The following SDK1 variants were observed in gnomAD, a reference collection of about 807,000 sequenced individuals.
SDK1 encodes sidekick cell adhesion molecule 1.
In SDK1, 157 loss-of-function variants were observed where a neutral mutation model predicts 245.5. The ratio of observed to expected loss-of-function variants is 0.64; its 90% CI spans 0.56 to 0.73. The LOEUF (loss-of-function observed/expected upper bound fraction) is 0.73. Ranked by LOEUF, SDK1 falls within the 30% of genes least tolerant of loss-of-function variation. The pLI, the probability that SDK1 is intolerant of heterozygous loss-of-function variation, is 0.00. For missense variants in SDK1, 3,583 were observed against 3,002.3 expected, an observed-to-expected ratio of 1.19 and a Z score of -4.52; for synonymous variants, 1,647 against 1,278.5, an observed-to-expected ratio of 1.29 and a Z score of -6.15.
chr7:4,012,693 C>T (rs959229969), intron 16 of SDK1, among the ~76,000 whole-genome samples: 2 of 150,490 alleles, frequency 1.3e-5, no homozygotes, highest in African/African-American at 4.9e-5. Context: ...CCTGCCTCAG[C>T]CTCCCGAGTA....
intron 1 of SDK1, among the ~76,000 whole-genome samples, chr7:3,434,500 A>G (rs1372334915): frequency 6.6e-6 from 1 of 152,212 alleles, no homozygotes; most frequent in Non-Finnish European, 1.5e-5. Flanking sequence ...GCTAACATTT[A>G]TTAAGGATCT....
At chr7:4,161,200 G>A (rs1584332060) in intron 31 of SDK1, among the ~76,000 whole-genome samples, 1 of 152,228 alleles carries the variant, frequency 6.6e-6, no homozygotes, top group East Asian at 1.9e-4. Context: ...AGAGTGCAGG[G>A]CATGGCCATA....
intron 4 of SDK1, among the ~76,000 whole-genome samples, chr7:3,711,201 A>C (rs928731142): frequency 6.6e-6 from 1 of 152,226 alleles, no homozygotes; most frequent in African/African-American, 2.4e-5. Context: ...AGTATTTCTA[A>C]ATATTTTTGC....
chr7:3,418,563 G>A (rs1425959011), intron 1 of SDK1, among the ~76,000 whole-genome samples: 2 of 152,156 alleles, frequency 1.3e-5, no homozygotes, highest in African/African-American at 4.8e-5. Flanking sequence ...TGCTCTACAG[G>A]ACTTGAAACA....
At chr7:4,141,112 G>A (rs1482408612) in intron 28 of SDK1, among the ~76,000 whole-genome samples, 3 of 152,184 alleles carry the variant, frequency 2.0e-5, no homozygotes, top group Non-Finnish European at 2.9e-5. Flanking sequence ...CCACAAACCC[G>A]AGGCAGTGTA....
At chr7:3,895,619 G>A (rs1209027043) in intron 5 of SDK1, among the ~76,000 whole-genome samples, 5 of 150,164 alleles carry the variant, frequency 3.3e-5, no homozygotes, top group Admixed American at 6.7e-5. Context: ...TTTCCACTCC[G>A]CTGTCCTGAG....
At chr7:3,827,177 A>T (rs61165181) in intron 5 of SDK1, among the ~76,000 whole-genome samples, 25,536 of 152,134 alleles carry the variant, frequency 0.17, 2,397 homozygotes, top group Middle Eastern at 0.31. Flanking sequence ...CATATGGGGG[A>T]AGCTCAATAT....
intron 1 of SDK1, among the ~76,000 whole-genome samples, chr7:3,490,049 C>G (rs1213586251): frequency 1.3e-5 from 2 of 152,138 alleles, no homozygotes; most frequent in Admixed American, 1.3e-4. Flanking sequence ...AAATGATCTA[C>G]TGTCACTTGC....
chr7:3,586,991 T>C (rs1440933453), intron 1 of SDK1, among the ~76,000 whole-genome samples: 1 of 152,040 alleles, frequency 6.6e-6, no homozygotes, highest in Non-Finnish European at 1.5e-5. Context: ...GACAGCATAG[T>C]GCTAACTTGA....
At chr7:4,189,738 C>A (rs985547726) in intron 35 of SDK1, among the ~76,000 whole-genome samples, 9 of 152,084 alleles carry the variant, frequency 5.9e-5, no homozygotes, top group Admixed American at 3.3e-4. Flanking sequence ...TGTAGTGAGC[C>A]GAGATTGTGC....
intron 2 of SDK1, among the ~76,000 whole-genome samples, chr7:3,634,526 C>T (rs1424783856): frequency 1.3e-5 from 2 of 152,058 alleles, no homozygotes; most frequent in African/African-American, 4.8e-5. Flanking sequence ...GCAAACATTC[C>T]CTGCTGTGTT....
At chr7:3,838,560 G>C (rs1198096878) in intron 5 of SDK1, among the ~76,000 whole-genome samples, 1 of 152,202 alleles carries the variant, frequency 6.6e-6, no homozygotes, top group African/African-American at 2.4e-5. Flanking sequence ...TAGAAACAAA[G>C]CCCTGCTTGG....
intron 8 of SDK1, 102 bp downstream of exon 8, chr7:3,959,116 G>T: frequency 1.1e-6 from 1 of 912,760 alleles, no homozygotes; most frequent in Non-Finnish European, 1.8e-6. Context: ...GACATTGAGT[G>T]TGATGGCGAA....
intron 1 of SDK1, among the ~76,000 whole-genome samples, chr7:3,310,120 CTG>C (rs1779516120): frequency 6.6e-6 from 1 of 152,200 alleles, no homozygotes. Flanking sequence ...GCTTCTGTGT[CTG>C]TGCTGGCATC....
rs1407449662 is a variant in SDK1 at position 4,227,570 on chromosome 7, T to C, written c.5828-5685T>C. On this transcript the variant is annotated intron_variant, in intron 40 of 44. Transcript: ENST00000404826. ...AAACAACTGACAGGCTTGCATTTGC[T>C]CTGAGCTGCAGACTGACAGTCAAGC... 9 of 413,792 alleles carry C rather than the reference T, an allele frequency of 2.2e-5. No homozygotes were observed. In the Admixed American group the frequency reaches 2.4e-4, roughly 11 times the overall value. The allele number at this position is 413,792 out of a possible 1,614,324, so 25.6% of individuals were successfully genotyped here.
chr7:3,638,627 C>A (rs1383509706), intron 2 of SDK1, among the ~76,000 whole-genome samples: 2 of 110,576 alleles, frequency 1.8e-5, no homozygotes, highest in South Asian at 3.1e-4. Context: ...CACACCGGGG[C>A]CTGTTGTGGG....
rs1562539 is a variant in SDK1 at position 4,268,441 on chromosome 7, A to G, written c.*3057A>G. 548,394 of 1,128,888 alleles carry G rather than the reference A, an allele frequency of 0.49. 135,529 individuals carry two copies. Among genetic ancestry groups the G allele is most frequent in the African/African-American group, 0.57 (34,303 of 60,700 alleles). The allele number at this position is 1,128,888 out of a possible 1,614,324, so 69.9% of individuals were successfully genotyped here. ...CAGCCTCGCCTTCAGCCTCTCTCCC[A>G]GCCTGCTTTTATAAGGCGCACTTCA... On this transcript the variant is annotated 3_prime_UTR_variant, in exon 45 of 45. Coordinates refer to ENST00000404826, the MANE Select transcript of SDK1 (RefSeq NM_152744.4).
chr7:3,391,558 T>G (rs1239564663), intron 1 of SDK1, among the ~76,000 whole-genome samples: 1 of 152,074 alleles, frequency 6.6e-6, no homozygotes, highest in East Asian at 1.9e-4. Context: ...TAAAAACAAT[T>G]TAAAAGTATA....
chr7:3,632,623 C>G (rs566174286), intron 2 of SDK1, among the ~76,000 whole-genome samples: 3 of 152,292 alleles, frequency 2.0e-5, no homozygotes, highest in African/African-American at 4.8e-5. Context: ...AAATAATACA[C>G]AGATTAAATA....
Sources: gnomAD v4.1 joint callset for allele counts (sites outside exome capture counted in the v4.1 genomes callset) on GRCh38, gnomAD v4.1.1 for gene constraint, MANE v1.5 for transcripts, NCBI Gene and HGNC (gene_info 2026-07-23, HGNC 2026-07-21) for gene names.